The following C1orf21 variants were observed in gnomAD, a reference collection of about 807,000 sequenced individuals.
C1orf21 encodes the protein uncharacterized protein C1orf21.
A neutral mutation model predicts 18.7 loss-of-function variants in C1orf21; 3 were observed. That is an observed-to-expected ratio of 0.16 (90% CI 0.07 to 0.42). C1orf21 has a LOEUF of 0.42. C1orf21 is among the 10% of genes least tolerant of loss of function. C1orf21 has a pLI of 0.99. For synonymous variants in C1orf21, 41 were observed against 46.4 expected, an observed-to-expected ratio of 0.88 and a Z score of 0.47; for missense variants, 104 against 143.6, an observed-to-expected ratio of 0.72 and a Z score of 1.41.
intron 3 of C1orf21, among the ~76,000 whole-genome samples, chr1:184,538,557 C>G (rs1658595734): frequency 6.6e-6 from 1 of 151,976 alleles, no homozygotes; most frequent in African/African-American, 2.4e-5. Flanking sequence ...GAAGCTTTTG[C>G]CTTATGCTTT....
intron 3 of C1orf21, among the ~76,000 whole-genome samples, chr1:184,527,157 G>A (rs2101971579): frequency 6.6e-6 from 1 of 152,272 alleles, no homozygotes; most frequent in South Asian, 2.1e-4. Context: ...TTAATCCTTT[G>A]TACTTAGCAA....
In C1orf21 at chr1:184,622,979, A is replaced by T. The variant is rs1423589926; in HGVS notation, c.*3423A>T. 6.6e-6 allele frequency: 1 copy of T among 152,252 alleles called. No homozygotes were observed. Among genetic ancestry groups the T allele is most frequent in the Non-Finnish European group, 1.5e-5 (1 of 68,066 alleles). 9.4% of individuals were successfully genotyped at this position (152,252 alleles called of 1,614,324 possible). On this transcript the variant is annotated 3_prime_UTR_variant, in exon 6 of 6. Transcript: ENST00000235307. ...TGTCATCCTGCTTTGTTATCTTCTTATAACTTTATCCTGCTATAACTTTAT... is the reference window on the plus strand; with the variant it reads ...TGTCATCCTGCTTTGTTATCTTCTTTTAACTTTATCCTGCTATAACTTTAT...
At chr1:184,606,038 T>G (rs997097284) in intron 5 of C1orf21, among the ~76,000 whole-genome samples, 5 of 152,174 alleles carry the variant, frequency 3.3e-5, no homozygotes, top group African/African-American at 9.7e-5. Flanking sequence ...TCGCACAGTT[T>G]CCAGTGTATT....
intron 1 of C1orf21, among the ~76,000 whole-genome samples, chr1:184,451,143 G>T (rs1250445881): frequency 6.6e-6 from 1 of 152,180 alleles, no homozygotes; most frequent in Non-Finnish European, 1.5e-5. Flanking sequence ...CTCCCAAACT[G>T]CTGGGATTAC....
At chr1:184,567,881 G>A in intron 3 of C1orf21, 1 of 198,148 alleles carries the variant, frequency 5.0e-6, no homozygotes, top group Non-Finnish European at 1.0e-5. Context: ...AGTTCCAGGG[G>A]CTAATCTTGA....
chr1:184,556,377 C>T (rs1477118025), intron 3 of C1orf21, among the ~76,000 whole-genome samples: 4 of 152,180 alleles, frequency 2.6e-5, no homozygotes, highest in African/African-American at 7.2e-5. Flanking sequence ...CAGAGAGCCT[C>T]TGCTGGTGAA....
chr1:184,480,590 T>G (rs1313178992), intron 2 of C1orf21, among the ~76,000 whole-genome samples: 1 of 152,220 alleles, frequency 6.6e-6, no homozygotes, highest in African/African-American at 2.4e-5. Flanking sequence ...TAGTCAACTA[T>G]TGCTGCGTAG....
Position 184,559,072 on chromosome 1 carries a change from A to G in C1orf21, c.190-31667A>G, listed in dbSNP as rs200478590. 2.6e-5 allele frequency among the ~76,000 whole-genome samples: 4 copies of G among 152,302 alleles called. No individual in the cohort carries two copies. In the East Asian group the frequency reaches 5.8e-4, roughly 22 times the overall value. ...TGTGGATAGGGAGTCCATCCCCAGT[A>G]TGTACTTGCTGTAGTGATATAATTT... On this transcript the variant is annotated intron_variant, in intron 3 of 5. Coordinates refer to ENST00000235307, the MANE Select transcript of C1orf21 (RefSeq NM_030806.4).
chr1:184,410,840 C>T (rs529196312), intron 1 of C1orf21, among the ~76,000 whole-genome samples: 126 of 146,464 alleles, frequency 8.6e-4, no homozygotes, highest in Middle Eastern at 7.0e-3. Flanking sequence ...TTAGTAGAGT[C>T]GGGGTTTTGC....
intron 3 of C1orf21, among the ~76,000 whole-genome samples, chr1:184,544,982 CAG>C (rs1242812286): frequency 2.0e-5 from 3 of 152,214 alleles, no homozygotes; most frequent in Non-Finnish European, 4.4e-5. Context: ...GGGAGCCAGT[CAG>C]AGAGCACCCA....
At chr1:184,490,060 T>G (rs1207009208) in intron 2 of C1orf21, among the ~76,000 whole-genome samples, 1 of 152,224 alleles carries the variant, frequency 6.6e-6, no homozygotes, top group Non-Finnish European at 1.5e-5. Context: ...GCACTATCAC[T>G]GGAAATAGCC....
At chr1:184,579,838 T>G (rs1659252657) in intron 3 of C1orf21, among the ~76,000 whole-genome samples, 1 of 152,134 alleles carries the variant, frequency 6.6e-6, no homozygotes, top group East Asian at 1.9e-4. Flanking sequence ...AGATGACTCC[T>G]TGTGTGAAAG....
Position 184,509,296 on chromosome 1 carries a change from G to A in C1orf21, c.189+1614G>A, listed in dbSNP as rs140559985. Among the ~76,000 whole-genome samples, 400 of 152,230 alleles carry A rather than the reference G, an allele frequency of 2.6e-3. 1 individual carries two copies. Among genetic ancestry groups the A allele is most frequent in the African/African-American group, 9.2e-3 (381 of 41,546 alleles). On this transcript the variant is annotated intron_variant, in intron 3 of 5. Coordinates refer to ENST00000235307, the MANE Select transcript of C1orf21 (RefSeq NM_030806.4). ...ATCTGTCAACTACTTGGTACTTGGT[G>A]TATTCTTTTTCAGCATTGTGGTCAG...
At chr1:184,557,101 C>T (rs1392925789) in intron 3 of C1orf21, among the ~76,000 whole-genome samples, 3 of 152,130 alleles carry the variant, frequency 2.0e-5, no homozygotes, top group Non-Finnish European at 4.4e-5. Context: ...CTGCTCCCAC[C>T]TTTGCACTAT....
intron 1 of C1orf21, among the ~76,000 whole-genome samples, chr1:184,397,443 A>G (rs1461493427): frequency 2.0e-5 from 3 of 152,044 alleles, no homozygotes; most frequent in Non-Finnish European, 4.4e-5. Flanking sequence ...AAAATTAGCC[A>G]GGTGTGGTGG....
intron 1 of C1orf21, among the ~76,000 whole-genome samples, chr1:184,389,739 C>T (rs902042247): frequency 1.3e-5 from 2 of 152,166 alleles, no homozygotes; most frequent in Admixed American, 6.5e-5. Context: ...CTAAGCAGCC[C>T]CCTTCTATAA....
At chr1:184,580,097 A>G (rs182034197) in intron 3 of C1orf21, among the ~76,000 whole-genome samples, 1 of 152,222 alleles carries the variant, frequency 6.6e-6, no homozygotes, top group East Asian at 1.9e-4. Context: ...TTGGCCCTCC[A>G]GAAAGTCAAC....
chr1:184,603,386 C>T (rs1001326462), intron 5 of C1orf21, among the ~76,000 whole-genome samples: 3 of 152,252 alleles, frequency 2.0e-5, no homozygotes, highest in Admixed American at 2.0e-4. Context: ...GTGCATCTCA[C>T]ATATTCCTGT....
At chr1:184,470,280 T>G (rs1557980316) in intron 1 of C1orf21, among the ~76,000 whole-genome samples, 1 of 152,156 alleles carries the variant, frequency 6.6e-6, no homozygotes, top group Non-Finnish European at 1.5e-5. Flanking sequence ...CCACCTGGCA[T>G]AGCAGAGTAC....
Sources: gnomAD v4.1 joint callset for allele counts (sites outside exome capture counted in the v4.1 genomes callset) on GRCh38, gnomAD v4.1.1 for gene constraint, MANE v1.5 for transcripts, NCBI Gene and HGNC (gene_info 2026-07-23, HGNC 2026-07-21) for gene names.